CCNE2: variants seen among roughly 807,000 people sequenced by gnomAD.
The protein encoded by CCNE2 is G1/S-specific cyclin-E2.
Under a neutral mutation model 56.8 loss-of-function variants are expected in CCNE2, and 18 were observed. The observed-to-expected ratio is 0.32, with a 90% CI of 0.22 to 0.47. The LOEUF (loss-of-function observed/expected upper bound fraction) is 0.47. Among genes scored for constraint, CCNE2 ranks in the 20% least tolerant of loss-of-function variants. The pLI, the probability that CCNE2 is intolerant of heterozygous loss-of-function variation, is 1.00. For missense variants in CCNE2, 371 were observed against 467.1 expected, an observed-to-expected ratio of 0.79 and a Z score of 1.90; for synonymous variants, 139 against 149.2, an observed-to-expected ratio of 0.93 and a Z score of 0.50.
chr8:94,886,901 A>G (rs1266607895), intron 7 of CCNE2, among the ~76,000 whole-genome samples: 1 of 152,232 alleles, frequency 6.6e-6, no homozygotes, highest in Admixed American at 6.5e-5. Context: ...TCAGGATTTC[A>G]GTCTAGAAAG....
rs1455968520 is a variant in CCNE2 at position 94,885,080 on chromosome 8, A to G, written c.818T>C (p.Ile273Thr). The G allele has an allele frequency of 6.2e-7, 1 of 1,613,210 alleles. No individual in the cohort carries two copies. Among genetic ancestry groups the G allele is most frequent in the Non-Finnish European group, 8.5e-7 (1 of 1,179,354 alleles). The change falls in exon 9 of 12, where the codon ATT (isoleucine) becomes ACT (threonine). Residue 273 changes from isoleucine to threonine, a missense_variant. Physicochemically the swap from Ile to Thr is moderately conservative, Grantham distance 89. Transcript: ENST00000308108. Reference sequence around the variant, plus strand: ...AAATGTCAGTACCTGAGCTATTTGAATGAATGTTTCCTGAGAATACTGAGG... The same window carrying G: ...AAATGTCAGTACCTGAGCTATTTGAGTGAATGTTTCCTGAGAATACTGAGG... Reference protein sequence around the residue: ...LLPQYSQETFIQIAQLLDLCI... With the variant: ...LLPQYSQETFTQIAQLLDLCI...
chr8:94,893,771 G>C (rs1409162042), intron 4 of CCNE2, 120 bp downstream of exon 4: 1 of 1,032,116 alleles, frequency 9.7e-7, no homozygotes, highest in Admixed American at 2.0e-5. Context: ...CTGACCTCTA[G>C]GGGCATTAAA....
chr8:94,885,144 G>C lies in CCNE2; in HGVS notation c.754C>G (p.Gln252Glu). 1 of 1,613,336 alleles carries C rather than the reference G, an allele frequency of 6.2e-7. No homozygotes were observed. The highest frequency in any genetic ancestry group is 8.5e-7 in the Non-Finnish European group (1 of 1,179,424). Residue 252 changes from glutamine to glutamate, a missense_variant, in exon 9 of 12, where the codon CAA becomes GAA. Coordinates refer to ENST00000308108, the MANE Select transcript of CCNE2 (RefSeq NM_057749.3). ...GGAGCATCTTTAAGAGCATCAACTT[G>C]GAGAAAGAGATTTAGCCAGGAGATG... Reference protein sequence around the residue: ...TIISWLNLFLQVDALKDAPKV... With the variant: ...TIISWLNLFLEVDALKDAPKV...
chr8:94,888,933 G>A (rs940240893), intron 6 of CCNE2, among the ~76,000 whole-genome samples: 2 of 152,196 alleles, frequency 1.3e-5, no homozygotes, highest in African/African-American at 4.8e-5. Context: ...CGGATCACTT[G>A]AGGTCAGGAG....
At position 94,880,525 on chromosome 8, in the gene CCNE2, G is replaced by A. The variant is rs1404830508; in HGVS notation, c.*1107C>T. The A allele has an allele frequency of 1.0e-5, 3 of 297,278 alleles. No individual in the cohort carries two copies. The highest frequency in any genetic ancestry group is 1.0e-4 in the Admixed American group (2 of 20,082). The allele number at this position is 297,278 out of a possible 1,614,324, so 18.4% of individuals were successfully genotyped here. A position where few individuals can be genotyped will look rare whatever the true frequency, so the allele number is the denominator to read the frequency against. ...GAGGCTGGATTTTTTTTTTAGAAAAGCTAATTTAAAATATTTAGAAATAGC... is the reference window on the plus strand; with the variant it reads ...GAGGCTGGATTTTTTTTTTAGAAAAACTAATTTAAAATATTTAGAAATAGC... On this transcript the variant is annotated 3_prime_UTR_variant, in exon 12 of 12. Coordinates refer to ENST00000308108, the MANE Select transcript of CCNE2 (RefSeq NM_057749.3).
chr8:94,890,521 T>G lies in CCNE2; in HGVS notation c.347A>C (p.Asn116Thr). The change falls in exon 6 of 12, where the codon AAC becomes ACC. Residue 116 changes from asparagine to threonine, a missense_variant. By Grantham distance (65) the Asn-to-Thr change is moderately conservative (BLOSUM62 0). Coordinates refer to ENST00000308108, the MANE Select transcript of CCNE2 (RefSeq NM_057749.3). ...ATATCTGCTCTCCTTTTTTAACATG[T>G]TTAGCCAGACTTCTTTTGAACATCC... ...SWGCSKEVWL[N>T]MLKKESRYVH... is the part of the protein sequence containing the mutation. 1 of 1,586,178 alleles carries G rather than the reference T, an allele frequency of 6.3e-7. No homozygotes were observed. Among genetic ancestry groups the G allele is most frequent in the Non-Finnish European group, 8.6e-7 (1 of 1,164,622 alleles).
At chr8:94,884,635 C>T (rs1816965561) in intron 9 of CCNE2, 1 of 155,470 alleles carries the variant, frequency 6.4e-6, no homozygotes, top group African/African-American at 2.4e-5. Flanking sequence ...AATATGCTAG[C>T]CTGGAAAAGT....
intron 8 of CCNE2, 56 bp downstream of exon 8, chr8:94,885,407 T>A: frequency 8.5e-7 from 1 of 1,173,434 alleles, no homozygotes; most frequent in Non-Finnish European, 1.2e-6. Flanking sequence ...TAACTACTTA[T>A]GTTACTTAGT....
rs2131102968 is a variant in CCNE2 at position 94,885,090 on chromosome 8, C to T, written c.808G>A (p.Glu270Lys). The T allele has an allele frequency of 1.2e-6, 2 of 1,613,140 alleles. No homozygotes were observed. The highest frequency in any genetic ancestry group is 2.2e-5 in the East Asian group (1 of 44,762). ...PKVLLPQYSQETFIQIAQLLD... is the reference protein window; with the variant it reads ...PKVLLPQYSQKTFIQIAQLLD... Reference sequence around the variant, plus strand: ...ACCTGAGCTATTTGAATGAATGTTTCCTGAGAATACTGAGGTAGAAGAACT... The same window carrying T: ...ACCTGAGCTATTTGAATGAATGTTTTCTGAGAATACTGAGGTAGAAGAACT... The change falls in exon 9 of 12, where the codon GAA becomes AAA. Residue 270 changes from glutamate to lysine, a missense_variant. Glu to Lys is a moderately conservative substitution (Grantham distance 56, BLOSUM62 1). Coordinates refer to ENST00000308108, the MANE Select transcript of CCNE2 (RefSeq NM_057749.3).
At chr8:94,892,740 C>T in intron 5 of CCNE2, 78 bp downstream of exon 5, 1 of 766,418 alleles carries the variant, frequency 1.3e-6, no homozygotes, top group Non-Finnish European at 1.9e-6. Flanking sequence ...TTTATGAAAG[C>T]AAAAGACAAA....
chr8:94,892,648 A>G (rs1476291586), intron 5 of CCNE2, among the ~76,000 whole-genome samples, 170 bp downstream of exon 5: 2 of 152,344 alleles, frequency 1.3e-5, no homozygotes, highest in South Asian at 4.1e-4. Flanking sequence ...TTAAATACCC[A>G]TATCATTTGC....
At chr8:94,892,173 A>T (rs1215737423) in intron 5 of CCNE2, 1 of 476,852 alleles carries the variant, frequency 2.1e-6, no homozygotes, top group African/African-American at 2.0e-5. Context: ...AATACAAAAA[A>T]GTTAAACACA....
chr8:94,885,225 C>A, intron 8 of CCNE2, 24 bp from the exon 9 acceptor site: 1 of 1,608,354 alleles, frequency 6.2e-7, no homozygotes, highest in Non-Finnish European at 8.5e-7. Flanking sequence ...TTTAAAAATG[C>A]CTGTTAATGA....
At chr8:94,881,927 T>A (rs1405056263) in intron 11 of CCNE2, among the ~76,000 whole-genome samples, 182 bp from the exon 12 acceptor site, 1 of 152,242 alleles carries the variant, frequency 6.6e-6, no homozygotes, top group Non-Finnish European at 1.5e-5. Flanking sequence ...TTATCTAGAC[T>A]GTTGGCATTG....
In CCNE2 at chr8:94,882,774, G is replaced by A. The variant is rs753181308; in HGVS notation, c.943+7C>T. The stretch of plus-strand genomic sequence containing the variant: ...AAGGTAAGAAGACAACAAATAGAGA[G>A]TCTTACCTGAGGCTTTCTTAACCAC... On this transcript the variant is annotated splice_region_variant and intron_variant, in intron 10 of 11. Transcript: ENST00000308108. 2 of 1,583,030 alleles carry A rather than the reference G, an allele frequency of 1.3e-6. No individual in the cohort carries two copies. The highest frequency in any genetic ancestry group is 2.7e-5 in the African/African-American group (2 of 74,296).
At chr8:94,894,566 A>G (rs28399553) in intron 1 of CCNE2, 43,785 of 275,180 alleles carry the variant, frequency 0.16, 3,780 homozygotes, top group Middle Eastern at 0.21. Context: ...TCCCCCGTAC[A>G]CCGGGAGTGG....
Position 94,880,450 on chromosome 8 carries a change from A to C in CCNE2, c.*1182T>G, listed in dbSNP as rs1229018201. The C allele has an allele frequency of 1.5e-5, 5 of 333,336 alleles. No individual in the cohort carries two copies. The highest frequency in any genetic ancestry group is 2.7e-5 in the Non-Finnish European group (5 of 186,388). 20.6% of individuals were successfully genotyped at this position (333,336 alleles called of 1,614,324 possible). On this transcript the variant is annotated 3_prime_UTR_variant, in exon 12 of 12. Transcript: ENST00000308108. ...TTCTTCAAAGGGAGAAGAGATTCAC[A>C]TATCTGATAACAAAATAAACTAGCA...
At chr8:94,883,769 A>C in intron 9 of CCNE2, 3 of 361,222 alleles carry the variant, frequency 8.3e-6, no homozygotes, top group South Asian at 6.2e-5. Flanking sequence ...AGGCTGTATA[A>C]TCTAGGCAAT....
At chr8:94,882,444 C>CAAACT (rs1455567455) in intron 10 of CCNE2, among the ~76,000 whole-genome samples, 155 bp from the exon 11 acceptor site, 1 of 152,218 alleles carries the variant, frequency 6.6e-6, no homozygotes, top group Admixed American at 6.5e-5. Flanking sequence ...TTATCACTCT[C>CAAACT]AAACTATTTA....
Sources: allele counts gnomAD v4.1 joint callset (sites outside exome capture counted in the v4.1 genomes callset), GRCh38; gene constraint gnomAD v4.1.1; transcripts MANE v1.5; gene names NCBI Gene and HGNC (gene_info 2026-07-23, HGNC 2026-07-21).